The following SNX8 variants were observed in gnomAD, a reference collection of about 807,000 sequenced individuals.
SNX8 encodes the protein sorting nexin 8.
SNX8 carries 25 observed loss-of-function variants against 51.6 expected under a neutral mutation model. The observed-to-expected ratio is 0.48, with a 90% confidence interval of 0.35 to 0.68. SNX8 has a LOEUF of 0.68. Ranked by LOEUF, SNX8 falls within the 30% of genes least tolerant of loss-of-function variation. The pLI is 0.00. For missense variants in SNX8, 695 were observed against 624.0 expected, an observed-to-expected ratio of 1.11 and a Z score of -1.21; for synonymous variants, 324 against 277.0, an observed-to-expected ratio of 1.17 and a Z score of -1.68.
intron 1 of SNX8, among the ~76,000 whole-genome samples, chr7:2,343,350 A>G (rs937642929): frequency 2.0e-5 from 3 of 152,126 alleles, no homozygotes; most frequent in South Asian, 2.1e-4. Context: ...TAACATATAC[A>G]AAGTTTAAAG....
At chr7:2,300,872 A>T (rs956866780) in intron 1 of SNX8, among the ~76,000 whole-genome samples, 1 of 152,066 alleles carries the variant, frequency 6.6e-6, no homozygotes, top group Admixed American at 6.6e-5. Context: ...CGAACTCCTG[A>T]CCTCAAATGA....
intron 1 of SNX8, among the ~76,000 whole-genome samples, chr7:2,321,287 T>C (rs1584738528): frequency 1.3e-5 from 2 of 152,248 alleles, no homozygotes; most frequent in Middle Eastern, 3.4e-3. Context: ...TCTTCATACA[T>C]CGTCAGCTCC....
intron 1 of SNX8, among the ~76,000 whole-genome samples, chr7:2,320,942 C>A (rs1778494117): frequency 6.6e-6 from 1 of 152,126 alleles, no homozygotes; most frequent in South Asian, 2.1e-4. Context: ...ATAGCTTGAA[C>A]CCGGCAGGTG....
At chr7:2,330,791 A>G (rs539386130) in intron 1 of SNX8, among the ~76,000 whole-genome samples, 1 of 152,266 alleles carries the variant, frequency 6.6e-6, no homozygotes, top group Non-Finnish European at 1.5e-5. Context: ...GAATGCAGGA[A>G]AAACATGGTT....
chr7:2,331,200 A>AAAAG (rs1554269132), intron 1 of SNX8, among the ~76,000 whole-genome samples: 60 of 149,154 alleles, frequency 4.0e-4, no homozygotes, highest in African/African-American at 1.4e-3. Flanking sequence ...AAAAAAAAAA[A>AAAAG]AAAGAAAGAA....
At chr7:2,347,480 CAAAAAAAAAAAAA>C (rs749495262) in intron 1 of SNX8, among the ~76,000 whole-genome samples, 1 of 39,366 alleles carries the variant, frequency 2.5e-5, no homozygotes, top group Non-Finnish European at 4.9e-5. Flanking sequence ...GATGCTGTCT[CAAAAAAAAAAAAA>C]AAAAAAGAAA....
chr7:2,308,781 T>A (rs1035549774), intron 1 of SNX8, among the ~76,000 whole-genome samples: 58 of 119,992 alleles, frequency 4.8e-4, no homozygotes, highest in African/African-American at 2.2e-3. Context: ...AATGAACAAA[T>A]TTTTTTTTTT....
intron 1 of SNX8, among the ~76,000 whole-genome samples, chr7:2,290,112 G>C (rs774345219): frequency 1.4e-4 from 21 of 152,164 alleles, no homozygotes; most frequent in Non-Finnish European, 2.4e-4. Flanking sequence ...AAAATCGCTT[G>C]AACCTGGGAG....
chr7:2,341,477 C>A (rs915741678), intron 1 of SNX8, among the ~76,000 whole-genome samples: 3 of 150,676 alleles, frequency 2.0e-5, no homozygotes, highest in African/African-American at 7.3e-5. Context: ...CCAGCCTGGG[C>A]AACAAGAGCG....
chr7:2,319,204 T>TG (rs1370014144), upstream of SNX8, among the ~76,000 whole-genome samples: 1 of 151,816 alleles, frequency 6.6e-6, no homozygotes, highest in Admixed American at 6.6e-5. Flanking sequence ...CCGGGTGTTG[T>TG]GGCACATGCC....
At chr7:2,332,070 G>C (rs1778746521) in intron 1 of SNX8, among the ~76,000 whole-genome samples, 1 of 151,692 alleles carries the variant, frequency 6.6e-6, no homozygotes, top group South Asian at 2.1e-4. Context: ...AAATGGGCAT[G>C]TCGGCTTGCA....
intron 1 of SNX8, among the ~76,000 whole-genome samples, chr7:2,323,007 A>G (rs1170367765): frequency 6.6e-6 from 1 of 151,028 alleles, no homozygotes; most frequent in Non-Finnish European, 1.5e-5. Context: ...ACAGAACAAG[A>G]CTCTGTCTCT....
At chr7:2,255,841 G>C (rs1795163866) in intron 10 of SNX8, among the ~76,000 whole-genome samples, 1 of 152,240 alleles carries the variant, frequency 6.6e-6, no homozygotes, top group Non-Finnish European at 1.5e-5. Flanking sequence ...GTGGATGTGA[G>C]GAGGGGAGCG....
intron 1 of SNX8, among the ~76,000 whole-genome samples, chr7:2,327,509 G>A (rs1275803986): frequency 6.6e-6 from 1 of 151,908 alleles, no homozygotes; most frequent in Non-Finnish European, 1.5e-5. Context: ...TCTGGTTCAT[G>A]CCATTCTCCT....
intron 1 of SNX8, among the ~76,000 whole-genome samples, chr7:2,324,851 G>A (rs1778596241): frequency 6.6e-6 from 1 of 152,036 alleles, no homozygotes; most frequent in Non-Finnish European, 1.5e-5. Context: ...TCACACCCAG[G>A]CCGGAGTGCA....
chr7:2,257,649 TC>T (rs934303344), intron 8 of SNX8, 85 bp downstream of exon 8: 1 of 1,567,272 alleles, frequency 6.4e-7, no homozygotes, highest in Admixed American at 1.7e-5. Context: ...CAGCTCCTCT[TC>T]CGTCCCCCAG....
At chr7:2,326,235 C>A (rs1029847471) in intron 1 of SNX8, among the ~76,000 whole-genome samples, 7 of 152,006 alleles carry the variant, frequency 4.6e-5, no homozygotes, top group African/African-American at 1.4e-4. Context: ...CATGGTGGCA[C>A]ATGTCTGTGA....
chr7:2,305,917 C>CAAAATAA (rs1344950188), intron 1 of SNX8, among the ~76,000 whole-genome samples: 1 of 151,894 alleles, frequency 6.6e-6, no homozygotes, highest in Non-Finnish European at 1.5e-5. Flanking sequence ...CCTGTCTCTA[C>CAAAATAA]AAAATAAAAA....
At chr7:2,326,925 G>A (rs1778632179) in intron 1 of SNX8, among the ~76,000 whole-genome samples, 1 of 151,948 alleles carries the variant, frequency 6.6e-6, no homozygotes, top group African/African-American at 2.4e-5. Context: ...TGGCAAAATG[G>A]CAAAACCCTG....
Sources: allele counts gnomAD v4.1 joint callset (sites outside exome capture counted in the v4.1 genomes callset), GRCh38; gene constraint gnomAD v4.1.1; transcripts MANE v1.5; gene names NCBI Gene and HGNC (gene_info 2026-07-23, HGNC 2026-07-21).